The following SMURF2 variants were observed in gnomAD, a reference collection of about 807,000 sequenced individuals.
SMURF2 encodes E3 ubiquitin-protein ligase SMURF2.
A neutral mutation model predicts 109.6 loss-of-function variants in SMURF2; 48 were observed. The observed-to-expected ratio is 0.44, with a 90% CI of 0.35 to 0.56. The LOEUF is 0.56. SMURF2 is among the 20% of genes least tolerant of loss of function. The pLI is 0.01. For synonymous variants in SMURF2, 288 were observed against 317.1 expected (o/e 0.91, Z 0.97); for missense variants, 575 against 909.0 (o/e 0.63, Z 4.72).
At chr17:64,606,727 T>C in intron 1 of SMURF2, 87 bp from the exon 2 acceptor site, 2 of 966,064 alleles carry the variant, frequency 2.1e-6, no homozygotes, top group Non-Finnish European at 1.5e-6. Flanking sequence ...AAAACAGCAG[T>C]GAATAGTTAA....
intron 6 of SMURF2, among the ~76,000 whole-genome samples, chr17:64,584,590 C>T (rs1969625952): frequency 6.6e-6 from 1 of 151,796 alleles, no homozygotes; most frequent in Non-Finnish European, 1.5e-5. Context: ...ATCTCTTGAC[C>T]ATGTAGTCCT....
Position 64,562,844 on chromosome 17 carries a change from C to T in SMURF2, c.1139G>A (p.Arg380Gln), listed in dbSNP as rs377050276. 9.9e-6 allele frequency: 16 copies of T among 1,613,972 alleles called. No homozygotes were observed. The highest frequency in any genetic ancestry group is 8.9e-5 in the East Asian group (4 of 44,892). ...RDLVQKLKIL[R>Q]QELSQQQPQA... is the part of the protein sequence containing the mutation. Reference sequence around the variant, plus strand: ...AGGCTGTTGTTGGGAAAGTTCTTGCCGCAAAATTTTTAGTTTCTGAACCAG... The same window carrying T: ...AGGCTGTTGTTGGGAAAGTTCTTGCTGCAAAATTTTTAGTTTCTGAACCAG... The change falls in exon 11 of 19, where the codon CGG becomes CAG. Residue 380 changes from arginine to glutamine, a missense_variant. Physicochemically the swap from Arg to Gln is conservative, Grantham distance 43 (BLOSUM62 1). Transcript: ENST00000262435.
intron 1 of SMURF2, among the ~76,000 whole-genome samples, chr17:64,652,782 A>C (rs1244750727): frequency 6.6e-6 from 1 of 152,178 alleles, no homozygotes; most frequent in Non-Finnish European, 1.5e-5. Context: ...TGGCCTGTCA[A>C]CTGATTTTCT....
At chr17:64,655,054 G>A (rs1250624867) in intron 1 of SMURF2, among the ~76,000 whole-genome samples, 1 of 151,664 alleles carries the variant, frequency 6.6e-6, no homozygotes, top group East Asian at 1.9e-4. Context: ...AAAACACAAC[G>A]TAAATCACAC....
In SMURF2 at chr17:64,627,136, T is replaced by TG. The variant is rs1171223774; in HGVS notation, c.53-20497dup. 6.6e-5 allele frequency among the ~76,000 whole-genome samples: 9 copies of TG among 137,104 alleles called. No individual in the cohort carries two copies. The East Asian group carries it at 1.8e-3, about 28-fold the overall frequency. The allele number at this position is 137,104 out of a possible 152,430, so 89.9% of individuals were successfully genotyped here. ...CTTTTTTTTTTTTTTTTTTTTGAGA[T>TG]GGAGTCTTGCTCCTGTTGCCCAGGC... On this transcript the variant is annotated intron_variant, in intron 1 of 18. Transcript: ENST00000262435.
intron 1 of SMURF2, among the ~76,000 whole-genome samples, chr17:64,636,624 A>AT (rs1470845335): frequency 2.0e-5 from 3 of 149,170 alleles, no homozygotes; most frequent in African/African-American, 7.4e-5. Flanking sequence ...AAAAAAAAAA[A>AT]AAAAATTAGC....
Position 64,543,883 on chromosome 17 carries a change from C to T in SMURF2, c.*1965G>A, listed in dbSNP as rs1968909890. 6.6e-6 allele frequency: 1 copy of T among 152,088 alleles called. No homozygotes were observed. Among genetic ancestry groups the T allele is most frequent in the Admixed American group, 6.6e-5 (1 of 15,260 alleles). The allele number at this position is 152,088 out of a possible 1,614,324, so 9.4% of individuals were successfully genotyped here. On this transcript the variant is annotated 3_prime_UTR_variant, in exon 19 of 19. Coordinates refer to ENST00000262435, the MANE Select transcript of SMURF2 (RefSeq NM_022739.4). ...TATCAAATAGCATAGAAACCACTTCCATACATTTCAAGATGCTCTTCAGTA... is the reference window on the plus strand; with the variant it reads ...TATCAAATAGCATAGAAACCACTTCTATACATTTCAAGATGCTCTTCAGTA...
chr17:64,543,082 G>A lies in SMURF2; in HGVS notation c.*2766C>T, dbSNP rs1158912233. The stretch of plus-strand genomic sequence containing the variant: ...CTAGAGGGAAGACAAGAAAAAACCA[G>A]TTAAGAGGGACATGGAAATAAATAT... On this transcript the variant is annotated 3_prime_UTR_variant, in exon 19 of 19. Transcript: ENST00000262435. 2 of 152,102 alleles carry A rather than the reference G, an allele frequency of 1.3e-5. No homozygotes were observed. Among genetic ancestry groups the A allele is most frequent in the Non-Finnish European group, 2.9e-5 (2 of 68,022 alleles). The allele number at this position is 152,102 out of a possible 1,614,324, so 9.4% of individuals were successfully genotyped here.
intron 9 of SMURF2, among the ~76,000 whole-genome samples, chr17:64,573,766 G>A (rs1345266035): frequency 6.6e-6 from 1 of 152,134 alleles, no homozygotes; most frequent in Non-Finnish European, 1.5e-5. Flanking sequence ...GCCTCCCAAA[G>A]TGCTGGGATT....
intron 1 of SMURF2, among the ~76,000 whole-genome samples, chr17:64,608,661 C>T (rs1555689282): frequency 6.6e-6 from 1 of 152,146 alleles, no homozygotes; most frequent in South Asian, 2.1e-4. Context: ...GATTTCACAT[C>T]CGACTTCAGA....
intron 15 of SMURF2, among the ~76,000 whole-genome samples, chr17:64,553,157 C>T (rs950847672): frequency 1.1e-3 from 165 of 152,080 alleles, no homozygotes; most frequent in African/African-American, 3.9e-3. Context: ...TCTCCACTCC[C>T]TCATCCTAGG....
intron 1 of SMURF2, among the ~76,000 whole-genome samples, chr17:64,624,482 C>T (rs1409756863): frequency 3.4e-5 from 5 of 144,964 alleles, no homozygotes; most frequent in African/African-American, 1.0e-4. Context: ...TACAGGCGCA[C>T]GCCACCATGC....
chr17:64,638,804 A>C (rs1555692336), intron 1 of SMURF2, among the ~76,000 whole-genome samples: 1 of 152,218 alleles, frequency 6.6e-6, no homozygotes, highest in Admixed American at 6.5e-5. Flanking sequence ...ACAGACATAG[A>C]GTATTCCTAG....
Position 64,621,393 on chromosome 17 carries a change from G to A in SMURF2, c.53-14753C>T, listed in dbSNP as rs899916734. 1.5e-4 allele frequency among the ~76,000 whole-genome samples: 22 copies of A among 150,364 alleles called. No individual in the cohort carries two copies. In the South Asian group the frequency reaches 1.7e-3, roughly 12 times the overall value. Reference sequence around the variant, plus strand: ...TCAGGAGTTTGAGACCAGCCTGGCCGACATGGCAAAATCCCGTCTCTACTA... The same window carrying A: ...TCAGGAGTTTGAGACCAGCCTGGCCAACATGGCAAAATCCCGTCTCTACTA... On this transcript the variant is annotated intron_variant, in intron 1 of 18. Transcript: ENST00000262435.
intron 1 of SMURF2, among the ~76,000 whole-genome samples, chr17:64,655,465 C>T (rs1970693958): frequency 6.6e-6 from 1 of 151,504 alleles, no homozygotes; most frequent in South Asian, 2.1e-4. Flanking sequence ...ACCATGTTGG[C>T]CAGGCTGGTC....
At chr17:64,658,533 C>T (rs542526390) in intron 1 of SMURF2, among the ~76,000 whole-genome samples, 62 of 152,220 alleles carry the variant, frequency 4.1e-4, no homozygotes, top group African/African-American at 1.4e-3. Flanking sequence ...ACAAGGTTAA[C>T]CTCCTTATTG....
chr17:64,613,134 C>G (rs1452084574), intron 1 of SMURF2, among the ~76,000 whole-genome samples: 8 of 152,112 alleles, frequency 5.3e-5, no homozygotes, highest in Admixed American at 2.0e-4. Context: ...CATCCTGGAG[C>G]CTTTACTGCA....
chr17:64,575,971 G>A (rs560212871), intron 9 of SMURF2, among the ~76,000 whole-genome samples: 2 of 152,156 alleles, frequency 1.3e-5, no homozygotes, highest in South Asian at 2.1e-4. Context: ...TTGGGAGGCC[G>A]AGGTGCACAG....
chr17:64,583,921 C>T (rs1211586479), intron 6 of SMURF2, among the ~76,000 whole-genome samples: 1 of 151,838 alleles, frequency 6.6e-6, no homozygotes, highest in Non-Finnish European at 1.5e-5. Flanking sequence ...CCTCGGCCTC[C>T]CAAAGTGCTG....
Sources: gnomAD v4.1 joint callset for allele counts (sites outside exome capture counted in the v4.1 genomes callset) on GRCh38, gnomAD v4.1.1 for gene constraint, MANE v1.5 for transcripts, NCBI Gene and HGNC (gene_info 2026-07-23, HGNC 2026-07-21) for gene names.